KIAA1217: variants seen among roughly 807,000 people sequenced by gnomAD.
KIAA1217 encodes the protein KIAA1217.
A neutral mutation model predicts 163.9 loss-of-function variants in KIAA1217; 88 were observed. The ratio of observed to expected loss-of-function variants is 0.54; its 90% CI spans 0.45 to 0.64. KIAA1217 has a LOEUF of 0.64. KIAA1217 is among the 30% of genes least tolerant of loss of function. The pLI is 0.00. For missense variants in KIAA1217, 2,372 were observed against 2,475.0 expected (o/e 0.96, Z 0.88); for synonymous variants, 903 against 923.1 (o/e 0.98, Z 0.39).
intron 1 of KIAA1217, among the ~76,000 whole-genome samples, chr10:23,893,022 G>A (rs1014823709): frequency 1.5e-4 from 23 of 151,966 alleles, no homozygotes; most frequent in African/African-American, 5.6e-4. Context: ...AGTTAGGGAG[G>A]ATTCTCTCTT....
intron 1 of KIAA1217, among the ~76,000 whole-genome samples, chr10:23,793,519 T>C (rs1370558735): frequency 1.3e-5 from 2 of 152,208 alleles, no homozygotes; most frequent in East Asian, 1.9e-4. Context: ...TTTGCACTAC[T>C]TCCAGGAAAA....
chr10:24,398,611 C>G (rs1022468529), intron 3 of KIAA1217, among the ~76,000 whole-genome samples: 2 of 151,992 alleles, frequency 1.3e-5, no homozygotes, highest in Non-Finnish European at 2.9e-5. Flanking sequence ...CACCTTGGAG[C>G]TCAAGTGTGG....
chr10:24,323,587 C>T (rs780052253), intron 2 of KIAA1217, among the ~76,000 whole-genome samples: 2 of 152,120 alleles, frequency 1.3e-5, no homozygotes, highest in East Asian at 3.9e-4. Context: ...ATTTGTGAAG[C>T]GCAGTTTGCA....
intron 3 of KIAA1217, among the ~76,000 whole-genome samples, chr10:24,422,901 CTTTTT>C (rs58161228): frequency 8.3e-6 from 1 of 120,622 alleles, no homozygotes; most frequent in Non-Finnish European, 1.7e-5. Context: ...ATAGATTTAA[CTTTTT>C]TTTTTTTTTT....
intron 2 of KIAA1217, among the ~76,000 whole-genome samples, chr10:24,156,861 T>G (rs1564767674): frequency 6.6e-6 from 1 of 152,226 alleles, no homozygotes; most frequent in Non-Finnish European, 1.5e-5. Flanking sequence ...ACTGACCTTG[T>G]GCTTGCTCAT....
Position 23,790,581 on chromosome 10 carries a change from A to G in KIAA1217, c.-321+95347A>G, listed in dbSNP as rs1467474727. 4.2e-5 allele frequency among the ~76,000 whole-genome samples: 5 copies of G among 120,132 alleles called. 1 individual carries two copies. Among genetic ancestry groups the G allele is most frequent in the Non-Finnish European group, 8.0e-5 (5 of 62,178 alleles). 78.8% of individuals were successfully genotyped at this position (120,132 alleles called of 152,430 possible). A position where few individuals can be genotyped will look rare whatever the true frequency, so the allele number is the denominator to read the frequency against. On this transcript the variant is annotated intron_variant, in intron 1 of 18. Coordinates refer to the KIAA1217 transcript ENST00000376462. ...TGTACATATGTATATATACATATGT[A>G]TATGTACATATATACATGTACATAT...
At position 24,209,904 on chromosome 10, in the gene KIAA1217, T is replaced by C. The variant is rs1399897431; in HGVS notation, c.70+641T>C. Among the ~76,000 whole-genome samples the C allele has an allele frequency of 2.6e-5, 4 of 152,184 alleles. 1 individual carries two copies. Among genetic ancestry groups the C allele is most frequent in the Admixed American group, 2.6e-4 (4 of 15,286 alleles). On this transcript the variant is annotated intron_variant, in intron 1 of 20. Coordinates refer to ENST00000376454, the MANE Select transcript of KIAA1217 (RefSeq NM_019590.5). ...CCCTTTAATTGTGTTTATAATAGAC[T>C]TGTCTTTTCCGTAGGGAATTTCCAG...
intron 2 of KIAA1217, among the ~76,000 whole-genome samples, chr10:24,257,171 C>T (rs1054543580): frequency 1.3e-5 from 2 of 152,128 alleles, no homozygotes; most frequent in East Asian, 1.9e-4. Flanking sequence ...TTCTGCCCCT[C>T]GTACTGTTGA....
At chr10:23,781,153 G>A (rs543060172) in intron 1 of KIAA1217, among the ~76,000 whole-genome samples, 1 of 152,286 alleles carries the variant, frequency 6.6e-6, no homozygotes, top group South Asian at 2.1e-4. Context: ...TCATGTAGTA[G>A]TTCTGTTTTT....
At chr10:23,713,155 C>G (rs1291532499) in intron 1 of KIAA1217, among the ~76,000 whole-genome samples, 3 of 152,116 alleles carry the variant, frequency 2.0e-5, no homozygotes, top group African/African-American at 7.2e-5. Flanking sequence ...TAGGAAGCCA[C>G]TGAATAGAAC....
intron 2 of KIAA1217, among the ~76,000 whole-genome samples, chr10:24,335,320 C>G (rs1378478270): frequency 6.9e-6 from 1 of 144,840 alleles, no homozygotes. Flanking sequence ...GAGACGGAGT[C>G]TTGCTCTGTC....
At position 24,473,707 on chromosome 10, in the gene KIAA1217, G is replaced by A. The variant is rs187749070; in HGVS notation, c.1326G>A (p.Ala442=). The A allele has an allele frequency of 1.8e-5, 29 of 1,613,992 alleles. No homozygotes were observed. The highest frequency in any genetic ancestry group is 1.8e-4 in the East Asian group (8 of 44,858). ...CTTATTGTAACCCCTCAATGCAAGC[G>A]GAAATGCATATGGAACAATCACTGT... ...ASAYCNPSMQ[A]EMHMEQSLYR... is the part of the protein sequence containing the mutation. The change falls in exon 6 of 21, where the codon GCG becomes GCA. Residue 442 remains alanine (A), a synonymous_variant. Transcript: ENST00000376454.
chr10:24,333,756 A>G (rs1418546131), intron 2 of KIAA1217, among the ~76,000 whole-genome samples: 1 of 152,214 alleles, frequency 6.6e-6, no homozygotes, highest in Admixed American at 6.5e-5. Flanking sequence ...CAAGTAAAAG[A>G]ATGATTAGAG....
At chr10:24,149,314 G>C (rs2064488462) in intron 2 of KIAA1217, among the ~76,000 whole-genome samples, 1 of 151,970 alleles carries the variant, frequency 6.6e-6, no homozygotes. Context: ...CCAGTAGCTG[G>C]GATTACAGGT....
chr10:23,934,606 T>G (rs1287152926), intron 1 of KIAA1217, among the ~76,000 whole-genome samples: 1 of 76,278 alleles, frequency 1.3e-5, no homozygotes, highest in African/African-American at 1.4e-4. Flanking sequence ...TATATATATA[T>G]GTATATATAT....
intron 2 of KIAA1217, among the ~76,000 whole-genome samples, chr10:24,034,853 G>T (rs1264790316): frequency 6.6e-6 from 1 of 151,322 alleles, no homozygotes; most frequent in African/African-American, 2.4e-5. Context: ...ACAGGATGTT[G>T]TTCTCCCAGA....
intron 2 of KIAA1217, among the ~76,000 whole-genome samples, chr10:24,150,582 TGTAA>T (rs1178007454): frequency 6.6e-6 from 1 of 151,934 alleles, no homozygotes; most frequent in Non-Finnish European, 1.5e-5. Context: ...CCTGATAGAG[TGTAA>T]GTATTAGAGC....
At chr10:24,272,873 G>C (rs991065465) in intron 2 of KIAA1217, among the ~76,000 whole-genome samples, 1 of 152,034 alleles carries the variant, frequency 6.6e-6, no homozygotes, top group Non-Finnish European at 1.5e-5. Flanking sequence ...AGTCTTCTTT[G>C]AAAAGTCTTA....
chr10:24,508,989 T>C (rs1160175109), intron 9 of KIAA1217, among the ~76,000 whole-genome samples: 1 of 152,194 alleles, frequency 6.6e-6, no homozygotes, highest in Non-Finnish European at 1.5e-5. Context: ...AGTGTATACA[T>C]TTGTCAAAAT....
Sources: allele counts gnomAD v4.1 joint callset (sites outside exome capture counted in the v4.1 genomes callset), GRCh38; gene constraint gnomAD v4.1.1; transcripts MANE v1.5; gene names NCBI Gene and HGNC (gene_info 2026-07-23, HGNC 2026-07-21).